Variants in KCNB2 observed in about 807,000 individuals in gnomAD.
The protein encoded by KCNB2 is delayed rectifier potassium channel protein.
Under a neutral mutation model 61.5 loss-of-function variants are expected in KCNB2, and 15 were observed. The observed-to-expected ratio is 0.24, with a 90% confidence interval of 0.16 to 0.38. The LOEUF (loss-of-function observed/expected upper bound fraction) is 0.38. KCNB2 is among the 10% of genes least tolerant of loss of function. The pLI is 1.00. For synonymous variants in KCNB2, 457 were observed against 446.0 expected (o/e 1.02, Z -0.31); for missense variants, 828 against 1,125.2 (o/e 0.74, Z 3.78).
At chr8:72,861,322 A>C (rs576479093) in intron 2 of KCNB2, among the ~76,000 whole-genome samples, 3 of 152,314 alleles carry the variant, frequency 2.0e-5, no homozygotes, top group African/African-American at 4.8e-5. Context: ...TTATAATGCA[A>C]TTTTGGCAAA....
intron 2 of KCNB2, among the ~76,000 whole-genome samples, chr8:72,770,220 T>A (rs2128997128): frequency 6.6e-6 from 1 of 152,278 alleles, no homozygotes; most frequent in South Asian, 2.1e-4. Context: ...CAATAAAAAG[T>A]GTTTTTCTTG....
chr8:72,798,093 AAC>A (rs1244227309), intron 2 of KCNB2, among the ~76,000 whole-genome samples: 1 of 151,934 alleles, frequency 6.6e-6, no homozygotes. Flanking sequence ...AAGGTTGGAA[AAC>A]ACATAGCAAT....
chr8:72,765,266 C>T (rs2128996760), intron 2 of KCNB2, among the ~76,000 whole-genome samples: 1 of 152,308 alleles, frequency 6.6e-6, no homozygotes, highest in South Asian at 2.1e-4. Flanking sequence ...GGAAAAGTCC[C>T]TAAACCTGTG....
intron 2 of KCNB2, among the ~76,000 whole-genome samples, chr8:72,584,177 A>C (rs1220068983): frequency 3.9e-5 from 6 of 152,182 alleles, no homozygotes; most frequent in African/African-American, 1.4e-4. Context: ...GCACAGACAG[A>C]TCTAGATACC....
intron 2 of KCNB2, among the ~76,000 whole-genome samples, chr8:72,716,005 A>C (rs993153455): frequency 6.6e-6 from 1 of 152,232 alleles, no homozygotes; most frequent in Non-Finnish European, 1.5e-5. Flanking sequence ...ACAGAAATAC[A>C]AACTACCATC....
At chr8:72,755,630 A>G (rs1243807776) in intron 2 of KCNB2, among the ~76,000 whole-genome samples, 1 of 152,210 alleles carries the variant, frequency 6.6e-6, no homozygotes, top group Non-Finnish European at 1.5e-5. Context: ...GGGAAATGCA[A>G]GTTAAAACCA....
intron 2 of KCNB2, among the ~76,000 whole-genome samples, chr8:72,639,568 A>G (rs1332945049): frequency 6.6e-6 from 1 of 151,984 alleles, no homozygotes; most frequent in Non-Finnish European, 1.5e-5. Flanking sequence ...ACTCTCCCGG[A>G]TAGGAGCATG....
chr8:72,779,699 T>G lies in KCNB2; in HGVS notation c.580-156236T>G, dbSNP rs531558083. On this transcript the variant is annotated intron_variant, in intron 2 of 2. Coordinates refer to ENST00000523207, the MANE Select transcript of KCNB2 (RefSeq NM_004770.3). ...CTTTTTTAAAGCAACTTGTCAATTT[T>G]AGAATAGAAAATTACTGATAAATGA... Among the ~76,000 whole-genome samples the G allele has an allele frequency of 2.0e-5, 3 of 152,312 alleles. No individual in the cohort carries two copies. In the East Asian group the frequency reaches 5.8e-4, roughly 29 times the overall value.
In KCNB2 at chr8:72,596,353, T is replaced by C. The variant is rs554957969; in HGVS notation, c.579+28040T>C. 1.6e-4 allele frequency among the ~76,000 whole-genome samples: 25 copies of C among 152,338 alleles called. No individual in the cohort carries two copies. The East Asian group carries it at 4.4e-3, about 27-fold the overall frequency. ...TCTGCCGAGTACTACTTTTCTGACCTTATCCAGGGAGTCATTGAATTGCTC... is the reference window on the plus strand; with the variant it reads ...TCTGCCGAGTACTACTTTTCTGACCCTATCCAGGGAGTCATTGAATTGCTC... On this transcript the variant is annotated intron_variant, in intron 2 of 2. Coordinates refer to ENST00000523207, the MANE Select transcript of KCNB2 (RefSeq NM_004770.3).
intron 2 of KCNB2, among the ~76,000 whole-genome samples, chr8:72,651,183 G>A (rs1018754422): frequency 5.3e-5 from 8 of 152,180 alleles, no homozygotes; most frequent in Non-Finnish European, 1.0e-4. Context: ...CATGTTTAGA[G>A]TGTGTGCATG....
At chr8:72,559,021 G>A (rs1460087717) in intron 1 of KCNB2, among the ~76,000 whole-genome samples, 4 of 152,120 alleles carry the variant, frequency 2.6e-5, no homozygotes, top group Non-Finnish European at 4.4e-5. Context: ...GAGAGAGAGA[G>A]GGCTGGGGGG....
intron 2 of KCNB2, among the ~76,000 whole-genome samples, chr8:72,854,797 G>A (rs78366902): frequency 0.018 from 2,692 of 152,114 alleles, 28 homozygotes; most frequent in South Asian, 0.049. Context: ...CAAAGGCACC[G>A]TGGCAGGAGG....
At position 72,620,634 on chromosome 8, in the gene KCNB2, G is replaced by A. The variant is rs1351907751; in HGVS notation, c.579+52321G>A. On this transcript the variant is annotated intron_variant, in intron 2 of 2. Transcript: ENST00000523207. The stretch of plus-strand genomic sequence containing the variant: ...TTTTATTTTATTTTTTTGAGATGGA[G>A]TTTCGCTCTTGTTGCCCAGGCTGGA... 8.5e-5 allele frequency among the ~76,000 whole-genome samples: 13 copies of A among 152,116 alleles called. No homozygotes were observed. The East Asian group carries it at 2.3e-3, about 27-fold the overall frequency.
At chr8:72,743,349 A>G (rs1183028469) in intron 2 of KCNB2, among the ~76,000 whole-genome samples, 1 of 152,226 alleles carries the variant, frequency 6.6e-6, no homozygotes, top group Non-Finnish European at 1.5e-5. Context: ...GAGAAAACAC[A>G]TGACTACTTG....
Position 72,827,727 on chromosome 8 carries a change from G to T in KCNB2, c.580-108208G>T, listed in dbSNP as rs142850715. Among the ~76,000 whole-genome samples the T allele has an allele frequency of 1.6e-4, 24 of 151,946 alleles. No homozygotes were observed. In the East Asian group the frequency reaches 4.5e-3, roughly 28 times the overall value. On this transcript the variant is annotated intron_variant, in intron 2 of 2. Transcript: ENST00000523207. ...TCTACAACAAAATATCTTTCTAATT[G>T]CAATCATATAGAAAAAGAGAAAGGT...
chr8:72,605,701 A>C (rs1398751331), intron 2 of KCNB2, among the ~76,000 whole-genome samples: 1 of 152,248 alleles, frequency 6.6e-6, no homozygotes, highest in Non-Finnish European at 1.5e-5. Context: ...CATTGGAAAT[A>C]AATATTCCAA....
At chr8:72,742,087 G>A (rs1453234003) in intron 2 of KCNB2, among the ~76,000 whole-genome samples, 3 of 152,166 alleles carry the variant, frequency 2.0e-5, no homozygotes, top group Non-Finnish European at 2.9e-5. Context: ...TATGGAACCA[G>A]CCTAAATGCC....
At chr8:72,782,439 C>T (rs1336569577) in intron 2 of KCNB2, among the ~76,000 whole-genome samples, 2 of 152,254 alleles carry the variant, frequency 1.3e-5, no homozygotes, top group Admixed American at 6.5e-5. Flanking sequence ...AATCCCATGT[C>T]TCGTTTGCTG....
At chr8:72,889,928 G>A (rs1805868993) in intron 2 of KCNB2, among the ~76,000 whole-genome samples, 1 of 152,026 alleles carries the variant, frequency 6.6e-6, no homozygotes, top group Admixed American at 6.6e-5. Context: ...GCAAATTTTT[G>A]TATTTTTAGT....
Sources: allele counts gnomAD v4.1 joint callset (sites outside exome capture counted in the v4.1 genomes callset), GRCh38; gene constraint gnomAD v4.1.1; transcripts MANE v1.5; gene names NCBI Gene and HGNC (gene_info 2026-07-23, HGNC 2026-07-21).